The following SOX6 variants were observed in gnomAD, a reference collection of about 807,000 sequenced individuals.
SOX6 encodes transcription factor SOX-6.
Under a neutral mutation model 97.8 loss-of-function variants are expected in SOX6, and 11 were observed. The ratio of observed to expected loss-of-function variants is 0.11; its 90% CI spans 0.07 to 0.19. SOX6 has a LOEUF of 0.19. Among genes scored for constraint, SOX6 ranks in the 10% least tolerant of loss-of-function variants. SOX6 has a pLI of 1.00. For synonymous variants in SOX6, 360 were observed against 371.4 expected (o/e 0.97, Z 0.35); for missense variants, 810 against 1,039.5 (o/e 0.78, Z 3.04).
At chr11:16,598,784 G>A (rs189952814) in intron 4 of SOX6, among the ~76,000 whole-genome samples, 37 of 152,008 alleles carry the variant, frequency 2.4e-4, no homozygotes, top group Non-Finnish European at 3.5e-4. Context: ...AATTGTGCTC[G>A]GTGAAGTCAA....
chr11:16,710,742 T>G (rs1200378929), intron 3 of SOX6, among the ~76,000 whole-genome samples: 4 of 152,220 alleles, frequency 2.6e-5, no homozygotes, highest in African/African-American at 9.6e-5. Context: ...ATCCCTTTAT[T>G]GATAACTCCC....
chr11:16,408,706 A>AT (rs1193951056), intron 1 of SOX6: 485 of 144,386 alleles, frequency 3.4e-3, no homozygotes, highest in African/African-American at 2.9e-3. Flanking sequence ...ACCTCCGCAG[A>AT]TTTTTTTTTT....
chr11:16,199,339 T>G (rs1441317823), intron 4 of SOX6, among the ~76,000 whole-genome samples: 1 of 152,170 alleles, frequency 6.6e-6, no homozygotes, highest in African/African-American at 2.4e-5. Context: ...GTCCAAACAC[T>G]TTCTATGTGC....
intron 3 of SOX6, among the ~76,000 whole-genome samples, chr11:16,692,155 CCT>C (rs1848019982): frequency 6.6e-6 from 1 of 151,492 alleles, no homozygotes; most frequent in Non-Finnish European, 1.5e-5. Context: ...CTCACTGCAA[CCT>C]CTGTCTCCAG....
chr11:16,174,488 A>G (rs1851129823), intron 6 of SOX6, among the ~76,000 whole-genome samples: 1 of 151,932 alleles, frequency 6.6e-6, no homozygotes, highest in Non-Finnish European at 1.5e-5. Context: ...TAACATTAAT[A>G]ACTTTGAGTG....
Position 16,132,440 on chromosome 11 carries a change from AGAAAAAAG to A in SOX6, c.778-20525_778-20518del, listed in dbSNP as rs1370067544. On this transcript the variant is annotated intron_variant, in intron 6 of 15. Coordinates refer to ENST00000683767, the MANE Select transcript of SOX6 (RefSeq NM_001367873.1). ...AAGAAAGAAAGAAAGAAAGAAAGAAAGAAAAAAGAAAGAAAGAAAGAAAGAAAGAAAGA... is the reference window on the plus strand; with the variant it reads ...AAGAAAGAAAGAAAGAAAGAAAGAAAAAAGAAAGAAAGAAAGAAAGAAAGA... Among the ~76,000 whole-genome samples, 326 of 99,968 alleles carry A rather than the reference AGAAAAAAG, an allele frequency of 3.3e-3. 2 individuals carry two copies. The highest frequency in any genetic ancestry group is 5.1e-3 in the African/African-American group (109 of 21,584). 65.6% of individuals were successfully genotyped at this position (99,968 alleles called of 152,430 possible).
intron 1 of SOX6, among the ~76,000 whole-genome samples, chr11:16,442,578 A>G (rs771296798): frequency 6.6e-6 from 1 of 152,158 alleles, no homozygotes; most frequent in Non-Finnish European, 1.5e-5. Context: ...TTATGTGCAT[A>G]TCTACTGCCT....
chr11:16,514,106 G>C (rs928317040), intron 4 of SOX6, among the ~76,000 whole-genome samples: 3 of 151,448 alleles, frequency 2.0e-5, no homozygotes, highest in East Asian at 1.9e-4. Context: ...GTTCCAGCTA[G>C]TCAGGAGGCT....
chr11:16,013,264 AT>A (rs946540530), intron 13 of SOX6, among the ~76,000 whole-genome samples: 5 of 152,150 alleles, frequency 3.3e-5, no homozygotes, highest in African/African-American at 7.2e-5. Flanking sequence ...GTAATGAAAA[AT>A]ATTTATTTAA....
chr11:16,297,289 CA>C (rs959287343), intron 3 of SOX6, among the ~76,000 whole-genome samples: 15 of 151,900 alleles, frequency 9.9e-5, no homozygotes, highest in Admixed American at 3.9e-4. Context: ...TTCTGCCCCA[CA>C]AAAAAAATTC....
intron 3 of SOX6, among the ~76,000 whole-genome samples, chr11:16,624,899 A>G (rs1441571629): frequency 6.6e-6 from 1 of 152,156 alleles, no homozygotes; most frequent in Non-Finnish European, 1.5e-5. Flanking sequence ...TCATATATTT[A>G]TTAACTATTT....
intron 1 of SOX6, among the ~76,000 whole-genome samples, chr11:16,381,940 A>G (rs1020421163): frequency 6.6e-6 from 1 of 151,804 alleles, no homozygotes; most frequent in African/African-American, 2.4e-5. Flanking sequence ...GGTAGTGGGG[A>G]AAAAAAACAC....
intron 1 of SOX6, among the ~76,000 whole-genome samples, chr11:16,404,183 C>T (rs1346987690): frequency 6.6e-6 from 1 of 151,776 alleles, no homozygotes; most frequent in African/African-American, 2.4e-5. Flanking sequence ...TTGTTTTTTA[C>T]CAAGTGAAAT....
intron 6 of SOX6, among the ~76,000 whole-genome samples, chr11:16,144,006 T>C (rs1273518665): frequency 6.6e-6 from 1 of 152,180 alleles, no homozygotes; most frequent in South Asian, 2.1e-4. Context: ...GCGGACCTAA[T>C]AGACATATAC....
intron 4 of SOX6, among the ~76,000 whole-genome samples, chr11:16,577,863 C>T (rs1410844314): frequency 6.6e-6 from 1 of 151,960 alleles, no homozygotes; most frequent in African/African-American, 2.4e-5. Context: ...ATATTTTCTC[C>T]CACTCCATGG....
intron 1 of SOX6, among the ~76,000 whole-genome samples, chr11:16,461,932 G>C (rs573375177): frequency 6.6e-6 from 1 of 152,136 alleles, no homozygotes; most frequent in African/African-American, 2.4e-5. Context: ...AGACTCTAAG[G>C]TTCTTGAGGG....
intron 1 of SOX6, among the ~76,000 whole-genome samples, chr11:16,393,050 A>T (rs1325040025): frequency 6.6e-6 from 1 of 151,974 alleles, no homozygotes; most frequent in African/African-American, 2.4e-5. Context: ...GTCAACCATA[A>T]CTGCTACAAA....
rs567139904 is a variant in SOX6 at position 16,650,587 on chromosome 11, T to A, written n.430-38327A>T. On this transcript the variant is annotated intron_variant and non_coding_transcript_variant, in intron 3 of 5. Coordinates refer to the SOX6 transcript ENST00000524520. ...AAATCTTTGAGCTGAATGGTAATAG[T>A]GACATAACATAAAAAAGCCTCTGGT... 2.6e-5 allele frequency among the ~76,000 whole-genome samples: 4 copies of A among 152,016 alleles called. No individual in the cohort carries two copies. In the South Asian group the frequency reaches 8.3e-4, roughly 32 times the overall value.
chr11:16,402,761 G>A (rs955646101), intron 1 of SOX6: 11 of 1,604,778 alleles, frequency 6.9e-6, no homozygotes, highest in Non-Finnish European at 9.4e-6. Flanking sequence ...GAAATATTAG[G>A]AAAAAAAACA....
Sources: gnomAD v4.1 joint callset for allele counts (sites outside exome capture counted in the v4.1 genomes callset) on GRCh38, gnomAD v4.1.1 for gene constraint, MANE v1.5 for transcripts, NCBI Gene and HGNC (gene_info 2026-07-23, HGNC 2026-07-21) for gene names.